The following GSN variants were observed in gnomAD, a reference collection of about 807,000 sequenced individuals.
GSN encodes gelsolin.
A neutral mutation model predicts 85.7 loss-of-function variants in GSN; 56 were observed. The ratio of observed to expected loss-of-function variants is 0.65; its 90% CI spans 0.53 to 0.82. GSN has a LOEUF of 0.82. Among genes scored for constraint, GSN ranks in the 40% least tolerant of loss-of-function variants. The pLI, the probability that GSN is intolerant of heterozygous loss-of-function variation, is 0.00. For missense variants in GSN, 857 were observed against 979.8 expected, an observed-to-expected ratio of 0.87 and a Z score of 1.67; for synonymous variants, 373 against 399.1, an observed-to-expected ratio of 0.93 and a Z score of 0.78.
At position 121,302,957 on chromosome 9, in the gene GSN, C is replaced by A. The variant is rs116956127; in HGVS notation, c.243C>A (p.Thr81=). ...AGAGCGGGGCGGCCGCCATCTTTAC[C>A]GTGCAGCTGGATGACTACCTGAACG... ...QDESGAAAIF[T]VQLDDYLNGR... The change falls in exon 4 of 18, where the codon ACC becomes ACA. Residue 81 remains threonine, a synonymous_variant. Coordinates refer to ENST00000432226, the MANE Select transcript of GSN (RefSeq NM_198252.3). 15 of 1,613,996 alleles carry A rather than the reference C, an allele frequency of 9.3e-6. No individual in the cohort carries two copies. Among genetic ancestry groups the A allele is most frequent in the Non-Finnish European group, 1.3e-5 (15 of 1,179,990 alleles).
chr9:121,320,930 G>A (rs1017461898), intron 10 of GSN, among the ~76,000 whole-genome samples: 7 of 152,168 alleles, frequency 4.6e-5, no homozygotes, highest in African/African-American at 1.7e-4. Context: ...TCATGGCCCG[G>A]AAGGGGATGA....
chr9:121,294,933 C>A (rs186828047), intron 2 of GSN, among the ~76,000 whole-genome samples: 51 of 152,326 alleles, frequency 3.3e-4, no homozygotes, highest in Admixed American at 3.0e-3. Context: ...AAAAGTCCTG[C>A]AACTGGGCAT....
chr9:121,291,175 A>G (rs1331614951), intron 2 of GSN, among the ~76,000 whole-genome samples: 1 of 152,254 alleles, frequency 6.6e-6, no homozygotes, highest in African/African-American at 2.4e-5. Context: ...TGTAACAACT[A>G]CAGTATAACA....
intron 2 of GSN, 56 bp from the exon 3 acceptor site, chr9:121,301,907 G>A: frequency 1.2e-6 from 2 of 1,612,486 alleles, no homozygotes; most frequent in Non-Finnish European, 1.7e-6. Context: ...CTCATGCCTG[G>A]GGTCTCTCCC....
In GSN at chr9:121,278,336, AT is replaced by A. The variant is rs2056918207; in HGVS notation, c.-102-3131del. 5.9e-5 allele frequency among the ~76,000 whole-genome samples: 9 copies of A among 152,208 alleles called. No homozygotes were observed. The South Asian group carries it at 1.9e-3, about 32-fold the overall frequency. The stretch of plus-strand genomic sequence containing the variant: ...ATAACTATTGTTATTAGGGGTGGCC[AT>A]TTGAACGCTTATGGCATTAATGGAC... On this transcript the variant is annotated intron_variant, in intron 1 of 17. Transcript: ENST00000432226.
At chr9:121,294,066 T>A (rs1399028309) in intron 2 of GSN, among the ~76,000 whole-genome samples, 4 of 152,176 alleles carry the variant, frequency 2.6e-5, no homozygotes, top group Non-Finnish European at 5.9e-5. Flanking sequence ...GCTCTCTGTT[T>A]TTCTCCCTCT....
At chr9:121,331,347 A>T (rs937020599) in intron 16 of GSN, 41 bp from the exon 17 acceptor site, 1 of 1,333,112 alleles carries the variant, frequency 7.5e-7, no homozygotes. Flanking sequence ...GAATTTGATC[A>T]GCACTCCTCA....
rs371880140 is a variant in GSN, at chr9:121,224,888, G to C, written c.-527-6277G>C. 3.9e-5 allele frequency among the ~76,000 whole-genome samples: 6 copies of C among 152,208 alleles called. No homozygotes were observed. In the East Asian group the frequency reaches 9.6e-4, roughly 24 times the overall value. ...AGCTGGAGTGCAGCAGCACAATCAT[G>C]GCTCACTGCAGCCTTATTCTCCTGG... On this transcript the variant is annotated intron_variant, in intron 4 of 24. Transcript: ENST00000373823.
rs1413900693 is a variant in GSN, at chr9:121,326,489, T to A, written c.1417-23T>A. 2.5e-6 allele frequency: 4 copies of A among 1,609,908 alleles called. No homozygotes were observed. The Admixed American group carries it at 5.0e-5, about 20-fold the overall frequency. On this transcript the variant is annotated intron_variant, in intron 12 of 17. Coordinates refer to ENST00000432226, the MANE Select transcript of GSN (RefSeq NM_198252.3). ...GAAGCCTGCCCCCAAGGTCCCTGAC[T>A]TGCTCTCCTGTCTCCCTGCCAGAGC...
chr9:121,218,149 A>G (rs143254362), intron 4 of GSN, among the ~76,000 whole-genome samples: 1 of 152,348 alleles, frequency 6.6e-6, no homozygotes, highest in Non-Finnish European at 1.5e-5. Context: ...TAGGTCTGCT[A>G]TGAATTGTCT....
intron 5 of GSN, among the ~76,000 whole-genome samples, chr9:121,236,219 G>A (rs894981797): frequency 1.3e-5 from 2 of 151,930 alleles, no homozygotes; most frequent in East Asian, 3.9e-4. Flanking sequence ...ATTGTTGTTT[G>A]TTTGTTTGTT....
intron 6 of GSN, among the ~76,000 whole-genome samples, chr9:121,248,566 C>A (rs968742650): frequency 6.6e-5 from 10 of 152,112 alleles, no homozygotes; most frequent in African/African-American, 2.4e-4. Flanking sequence ...TACATGAGAT[C>A]TGGTTACTGC....
At chr9:121,221,626 A>G (rs551054842) in intron 4 of GSN, among the ~76,000 whole-genome samples, 60 of 152,158 alleles carry the variant, frequency 3.9e-4, no homozygotes, top group African/African-American at 1.4e-3. Flanking sequence ...AGTGACCCCA[A>G]TTTGCTGTGT....
At chr9:121,298,679 C>T (rs1270622750) in intron 2 of GSN, among the ~76,000 whole-genome samples, 1 of 152,212 alleles carries the variant, frequency 6.6e-6, no homozygotes, top group Non-Finnish European at 1.5e-5. Context: ...GAATGAAAGC[C>T]AGCTCTCCAA....
intron 5 of GSN, chr9:121,237,995 TTTAA>T (rs1219636497): frequency 6.6e-6 from 1 of 152,266 alleles, no homozygotes; most frequent in African/African-American, 2.4e-5. Context: ...ATTCTTTGTT[TTTAA>T]TTATAGGTTA....
intron 4 of GSN, 91 bp downstream of exon 4, chr9:121,303,156 G>T: frequency 8.0e-7 from 1 of 1,247,296 alleles, no homozygotes; most frequent in Non-Finnish European, 1.2e-6. Context: ...GCCTTGTGAT[G>T]CAGTGGGCAG....
At chr9:121,240,923 G>A (rs1176108049) in intron 5 of GSN, among the ~76,000 whole-genome samples, 1 of 152,174 alleles carries the variant, frequency 6.6e-6, no homozygotes, top group East Asian at 1.9e-4. Flanking sequence ...GTTAAAAAGA[G>A]CACTCTTGGT....
At chr9:121,233,138 T>G (rs1334147557) in intron 5 of GSN, among the ~76,000 whole-genome samples, 2 of 152,134 alleles carry the variant, frequency 1.3e-5, no homozygotes, top group Non-Finnish European at 2.9e-5. Flanking sequence ...CAACCTCCTC[T>G]TCCTCCCTCT....
At chr9:121,278,754 A>G (rs2056974777) in intron 1 of GSN, among the ~76,000 whole-genome samples, 1 of 152,220 alleles carries the variant, frequency 6.6e-6, no homozygotes, top group African/African-American at 2.4e-5. Flanking sequence ...CTTGTTTTTA[A>G]GCTGCTGCAG....
Sources: gnomAD v4.1 joint callset for allele counts (sites outside exome capture counted in the v4.1 genomes callset) on GRCh38, gnomAD v4.1.1 for gene constraint, MANE v1.5 for transcripts, NCBI Gene and HGNC (gene_info 2026-07-23, HGNC 2026-07-21) for gene names.